Variants in SARDH observed in about 807,000 individuals in gnomAD.
SARDH encodes the protein sarcosine dehydrogenase.
In SARDH, 95 loss-of-function variants were observed where a neutral mutation model predicts 109.1. The observed-to-expected ratio is 0.87, with a 90% CI of 0.74 to 1.03. The LOEUF is 1.03. Ranked by LOEUF, SARDH falls within the 50% of genes least tolerant of loss-of-function variation. SARDH has a pLI of 0.00. For missense variants in SARDH, 1,267 were observed against 1,287.8 expected (o/e 0.98, Z 0.25); for synonymous variants, 572 against 534.8 (o/e 1.07, Z -0.96).
In SARDH at chr9:133,685,215, A is replaced by G; in HGVS notation, c.2141T>C (p.Leu714Pro). ...TACCAGGTGCCCTGCGGCTCTCAGT[A>G]GCTTGTGGGTGGAGAACGGGAAGGC... ...NEAFPFSTHKLLRAAGHLVRA... is the reference protein window; with the variant it reads ...NEAFPFSTHKPLRAAGHLVRA... The change falls in exon 17 of 21, where the codon CTA becomes CCA. Residue 714 changes from leucine to proline, a missense_variant. Physicochemically the swap from Leu to Pro is moderately conservative, Grantham distance 98 (BLOSUM62 -3). Coordinates refer to ENST00000439388, the MANE Select transcript of SARDH (RefSeq NM_001134707.2). 6.2e-7 allele frequency: 1 copy of G among 1,613,900 alleles called. No individual in the cohort carries two copies. Among genetic ancestry groups the G allele is most frequent in the Non-Finnish European group, 8.5e-7 (1 of 1,179,936 alleles).
chr9:133,732,909 T>G (rs1005636490), intron 2 of SARDH, among the ~76,000 whole-genome samples: 1 of 152,112 alleles, frequency 6.6e-6, no homozygotes, highest in African/African-American at 2.4e-5. Context: ...GGCGTGATTC[T>G]CTTATAGATC....
Position 133,715,506 on chromosome 9 carries a change from G to A in SARDH, c.1150+1820C>T, listed in dbSNP as rs565057630. ...CCTGGGGCTCTATCTGCTTCTCCCC[G>A]GGGCTGCACTTCACTCCAAAGGCTC... On this transcript the variant is annotated intron_variant, in intron 8 of 20. Transcript: ENST00000439388. Among the ~76,000 whole-genome samples, 881 of 151,988 alleles carry A rather than the reference G, an allele frequency of 5.8e-3. 4 individuals carry two copies. Among genetic ancestry groups the A allele is most frequent in the Non-Finnish European group, 9.6e-3 (651 of 67,996 alleles).
At chr9:133,738,145 C>G (rs1278727891) in intron 1 of SARDH, 109 bp downstream of exon 1, 2 of 152,360 alleles carry the variant, frequency 1.3e-5, no homozygotes, top group Admixed American at 6.5e-5. Context: ...TGGATGGTCC[C>G]TGCAGCCAGA....
At chr9:133,736,063 G>C (rs956755359) in intron 1 of SARDH, among the ~76,000 whole-genome samples, 1 of 149,864 alleles carries the variant, frequency 6.7e-6, no homozygotes, top group South Asian at 2.1e-4. Flanking sequence ...AAAAAGATGC[G>C]AAAGAGACAT....
chr9:133,716,054 G>A (rs1416371792), intron 8 of SARDH, among the ~76,000 whole-genome samples: 1 of 152,228 alleles, frequency 6.6e-6, no homozygotes, highest in Non-Finnish European at 1.5e-5. Flanking sequence ...GATTGTCTGT[G>A]CCCACCTGGT....
chr9:133,689,895 G>C (rs1257949030), intron 16 of SARDH, among the ~76,000 whole-genome samples: 3 of 152,220 alleles, frequency 2.0e-5, no homozygotes, highest in Non-Finnish European at 2.9e-5. Flanking sequence ...CATGGGTGGG[G>C]AACACAGCCC....
At chr9:133,732,374 A>AGGCCCC in intron 3 of SARDH, 49 bp downstream of exon 3, 1 of 396,486 alleles carries the variant, frequency 2.5e-6, no homozygotes, top group Non-Finnish European at 5.0e-6. Context: ...CAGGGAGTGC[A>AGGCCCC]CCCACCCACC....
chr9:133,698,957 GAA>G (rs1429013749), intron 13 of SARDH, among the ~76,000 whole-genome samples: 2 of 152,202 alleles, frequency 1.3e-5, no homozygotes, highest in African/African-American at 4.8e-5. Flanking sequence ...TGCCATCAAG[GAA>G]GAGAGATGAC....
intron 12 of SARDH, 117 bp from the exon 13 acceptor site, chr9:133,703,146 G>T: frequency 1.2e-6 from 1 of 847,248 alleles, no homozygotes; most frequent in Non-Finnish European, 1.9e-6. Context: ...CCCTCGGAGA[G>T]CCCTGCACTG....
At chr9:133,713,340 A>G (rs9409819) in intron 8 of SARDH, among the ~76,000 whole-genome samples, 38,794 of 151,966 alleles carry the variant, frequency 0.26, 5,772 homozygotes, top group East Asian at 0.33. Context: ...TGCTGCCAGA[A>G]CCAGCTGACG....
At chr9:133,676,913 C>T (rs1367347900) in intron 17 of SARDH, among the ~76,000 whole-genome samples, 3 of 152,104 alleles carry the variant, frequency 2.0e-5, no homozygotes, top group South Asian at 2.1e-4. Flanking sequence ...CCGAGTTGGG[C>T]GGATCACTTG....
In SARDH at chr9:133,666,727, G is replaced by A. The variant is rs1429834344; in HGVS notation, c.2631+8C>T. On this transcript the variant is annotated splice_region_variant and intron_variant, in intron 20 of 20. Coordinates refer to ENST00000439388, the MANE Select transcript of SARDH (RefSeq NM_001134707.2). The surrounding 1 kb of genome is among the most constrained non-coding windows in gnomAD (Gnocchi z 5.2). ...TCTGCCTTAGCAGGGCCAGAGAAGG[G>A]GACTCACCGGCCCACCGCTGGGGTC... 2 of 1,583,066 alleles carry A rather than the reference G, an allele frequency of 1.3e-6. No homozygotes were observed. The highest frequency in any genetic ancestry group is 1.7e-6 in the Non-Finnish European group (2 of 1,165,076).
At chr9:133,688,838 G>C (rs576887722) in intron 16 of SARDH, among the ~76,000 whole-genome samples, 1 of 152,356 alleles carries the variant, frequency 6.6e-6, no homozygotes, top group South Asian at 2.1e-4. Flanking sequence ...TCTATGAGCA[G>C]CCTCAAGTCA....
At position 133,717,338 on chromosome 9, in the gene SARDH, C is replaced by G; in HGVS notation, c.1138G>C (p.Val380Leu). 6.2e-7 allele frequency: 1 copy of G among 1,614,130 alleles called. No homozygotes were observed. The highest frequency in any genetic ancestry group is 8.5e-7 in the Non-Finnish European group (1 of 1,179,982). Residue 380 changes from valine to leucine, a missense_variant, in exon 8 of 21, where the codon GTC (valine) becomes CTC (leucine). Coordinates refer to ENST00000439388, the MANE Select transcript of SARDH (RefSeq NM_001134707.2). Reference sequence around the variant, plus strand: ...GGCTGTCACTCACCAGGGCCGCAGACCGTGGACTTGATTCCTGTCTTCTCC... The same window carrying G: ...GGCTGTCACTCACCAGGGCCGCAGAGCGTGGACTTGATTCCTGTCTTCTCC... ...VLEKTGIKST[V>L]CGPESFTPDH...
intron 11 of SARDH, among the ~76,000 whole-genome samples, chr9:133,707,870 T>C (rs969363468): frequency 2.6e-5 from 4 of 152,100 alleles, no homozygotes; most frequent in Non-Finnish European, 5.9e-5. Flanking sequence ...CAGAAGAGCC[T>C]CCGCAGCAGG....
chr9:133,690,102 C>G (rs1362488498), intron 16 of SARDH, among the ~76,000 whole-genome samples: 1 of 152,128 alleles, frequency 6.6e-6, no homozygotes, highest in Non-Finnish European at 1.5e-5. Flanking sequence ...ACGGTAATTC[C>G]TAGACTGCAC....
chr9:133,738,639 G>A (rs927447978), upstream of SARDH, among the ~76,000 whole-genome samples: 13 of 152,222 alleles, frequency 8.5e-5, no homozygotes, highest in Non-Finnish European at 1.8e-4. Flanking sequence ...CTGCCTGCTG[G>A]AGCCGCCCGA....
At chr9:133,703,425 C>G (rs890001531) in intron 12 of SARDH, 1 of 243,060 alleles carries the variant, frequency 4.1e-6, no homozygotes, top group African/African-American at 2.2e-5. Context: ...TCTTACACTC[C>G]TACCAGGTGT....
At position 133,692,648 on chromosome 9, in the gene SARDH, GC is replaced by G. The variant is rs1831141118; in HGVS notation, c.1921+1609del. On this transcript the variant is annotated intron_variant, in intron 15 of 20. Transcript: ENST00000439388. The surrounding 1 kb of genome is among the most constrained non-coding windows in gnomAD (Gnocchi z 5.0). ...CTCCAGGTGTTACGGGGCCCTTCCT[GC>G]CCCCGTCTGGACATACAGCCCACTG... is the stretch of plus-strand genomic sequence containing the variant. 6.6e-6 allele frequency among the ~76,000 whole-genome samples: 1 copy of G among 152,008 alleles called. No individual in the cohort carries two copies. Among genetic ancestry groups the G allele is most frequent in the Non-Finnish European group, 1.5e-5 (1 of 67,994 alleles).
Sources: gnomAD v4.1 joint callset for allele counts (sites outside exome capture counted in the v4.1 genomes callset) on GRCh38, gnomAD v4.1.1 for gene constraint, Gnocchi (gnomAD v3.1) non-coding constraint, MANE v1.5 for transcripts, NCBI Gene and HGNC (gene_info 2026-07-23, HGNC 2026-07-21) for gene names.